Variants in SYT1 observed in about 807,000 individuals in gnomAD.
SYT1 encodes synaptotagmin 1.
A neutral mutation model predicts 44.8 loss-of-function variants in SYT1; 8 were observed. The ratio of observed to expected loss-of-function variants is 0.18; its 90% CI spans 0.10 to 0.32. SYT1 has a LOEUF of 0.32. Among genes scored for constraint, SYT1 ranks in the 10% least tolerant of loss-of-function variants. SYT1 has a pLI of 1.00. For synonymous variants in SYT1, 154 were observed against 188.8 expected (o/e 0.82, Z 1.51); for missense variants, 286 against 509.3 (o/e 0.56, Z 4.22).
intron 8 of SYT1, among the ~76,000 whole-genome samples, chr12:79,314,423 C>A (rs531068606): frequency 6.6e-6 from 1 of 152,118 alleles, no homozygotes; most frequent in African/African-American, 2.4e-5. Flanking sequence ...AAAGACGAAC[C>A]CAGTTTAAGG....
intron 3 of SYT1, among the ~76,000 whole-genome samples, chr12:79,152,427 C>A (rs919609362): frequency 1.3e-5 from 2 of 152,164 alleles, no homozygotes; most frequent in South Asian, 4.1e-4. Context: ...AATCGTTTTG[C>A]ACTTTGTATA....
intron 1 of SYT1, among the ~76,000 whole-genome samples, chr12:78,963,691 T>G (rs1213962083): frequency 1.3e-5 from 2 of 152,032 alleles, no homozygotes; most frequent in Non-Finnish European, 2.9e-5. Flanking sequence ...GGCAAGGTTG[T>G]GGAGAAATTG....
rs75222516 is a variant in SYT1 at position 79,294,668 on chromosome 12, G to A, written c.475-1401G>A. Reference sequence around the variant, plus strand: ...ATTTTTTCTGCTCAAAAGAAAATTGGTTATAAAAAGTGAGGATGAGGAAGT... The same window carrying A: ...ATTTTTTCTGCTCAAAAGAAAATTGATTATAAAAAGTGAGGATGAGGAAGT... On this transcript the variant is annotated intron_variant, in intron 6 of 10. Coordinates refer to ENST00000261205, the MANE Select transcript of SYT1 (RefSeq NM_005639.3). Among the ~76,000 whole-genome samples, 1,272 of 152,148 alleles carry A rather than the reference G, an allele frequency of 8.4e-3. 13 individuals are homozygous for A. The highest frequency in any genetic ancestry group is 0.044 in the Middle Eastern group (13 of 294).
At chr12:79,033,757 A>G (rs1872961499) in intron 2 of SYT1, among the ~76,000 whole-genome samples, 1 of 151,506 alleles carries the variant, frequency 6.6e-6, no homozygotes, top group Non-Finnish European at 1.5e-5. Flanking sequence ...TTTAGAATTA[A>G]AGAAATGCTG....
chr12:79,030,989 A>G (rs1055252826), intron 2 of SYT1, among the ~76,000 whole-genome samples: 3 of 151,102 alleles, frequency 2.0e-5, no homozygotes, highest in Non-Finnish European at 4.5e-5. Flanking sequence ...CACTCCCAAC[A>G]ACCACTATCT....
intron 9 of SYT1, among the ~76,000 whole-genome samples, chr12:79,411,983 G>C (rs1394509119): frequency 6.6e-6 from 1 of 152,128 alleles, no homozygotes; most frequent in East Asian, 1.9e-4. Flanking sequence ...TGGCGAGTCT[G>C]TACAGGTCTG....
chr12:79,011,516 T>C (rs1480936171), intron 2 of SYT1, among the ~76,000 whole-genome samples: 1 of 151,972 alleles, frequency 6.6e-6, no homozygotes, highest in Non-Finnish European at 1.5e-5. Context: ...TGAAAAAAAC[T>C]GTCCCTGACC....
chr12:78,924,254 C>T (rs999176014), intron 1 of SYT1, among the ~76,000 whole-genome samples: 1 of 151,864 alleles, frequency 6.6e-6, no homozygotes, highest in African/African-American at 2.4e-5. Flanking sequence ...AAGGTGCTGT[C>T]TATCAGAATG....
At chr12:79,310,009 T>C (rs533994581) in intron 8 of SYT1, among the ~76,000 whole-genome samples, 108 of 152,328 alleles carry the variant, frequency 7.1e-4, no homozygotes, top group African/African-American at 2.6e-3. Flanking sequence ...GTGCAGAAGC[T>C]CTTCAGTTTA....
At chr12:79,419,412 C>T (rs556870317) in intron 9 of SYT1, 25 of 400,700 alleles carry the variant, frequency 6.2e-5, no homozygotes, top group East Asian at 3.8e-4. Flanking sequence ...TCACAGTATC[C>T]GGCAGCAGGT....
At chr12:79,080,977 T>C (rs1005285744) in intron 3 of SYT1, among the ~76,000 whole-genome samples, 1 of 152,128 alleles carries the variant, frequency 6.6e-6, no homozygotes, top group Non-Finnish European at 1.5e-5. Flanking sequence ...CTATTGTGAC[T>C]AGATGGGGGA....
At chr12:78,873,661 ATC>A (rs1344235457) in intron 1 of SYT1, among the ~76,000 whole-genome samples, 1 of 151,640 alleles carries the variant, frequency 6.6e-6, no homozygotes, top group Non-Finnish European at 1.5e-5. Flanking sequence ...CTCCAAACTT[ATC>A]TCTTATTATT....
intron 1 of SYT1, among the ~76,000 whole-genome samples, chr12:78,928,788 A>G (rs1468718005): frequency 6.6e-6 from 1 of 152,190 alleles, no homozygotes; most frequent in Non-Finnish European, 1.5e-5. Context: ...ATGATGTGCA[A>G]CTGAAAACTT....
chr12:79,333,710 G>C (rs1012921770), intron 8 of SYT1, among the ~76,000 whole-genome samples: 4 of 151,966 alleles, frequency 2.6e-5, no homozygotes, highest in Non-Finnish European at 5.9e-5. Context: ...AAAAATATTG[G>C]CATCTTTCAT....
chr12:79,247,001 A>T (rs567883871), intron 4 of SYT1, among the ~76,000 whole-genome samples: 2 of 152,332 alleles, frequency 1.3e-5, no homozygotes, highest in African/African-American at 4.8e-5. Context: ...AGAAGTAAAG[A>T]TGTACAGTTG....
rs1041510108 is a variant in SYT1, at chr12:78,987,791, C to T, written c.-84+9860C>T. On this transcript the variant is annotated intron_variant, in intron 2 of 10. Transcript: ENST00000261205. ...ATTACTAGTTCCCTACAATCTCTTC[C>T]GGAAGATAGAAGCAGAGGGAATACA... 4.6e-5 allele frequency among the ~76,000 whole-genome samples: 7 copies of T among 151,988 alleles called. No homozygotes were observed. In the South Asian group the frequency reaches 6.2e-4, roughly 13 times the overall value.
chr12:79,169,581 C>T (rs761289909), intron 3 of SYT1, among the ~76,000 whole-genome samples: 1 of 151,920 alleles, frequency 6.6e-6, no homozygotes, highest in African/African-American at 2.4e-5. Context: ...AATTCACCTG[C>T]AAAAGTTACA....
intron 9 of SYT1, among the ~76,000 whole-genome samples, chr12:79,423,594 CTT>C (rs1869251025): frequency 1.3e-5 from 2 of 152,096 alleles, no homozygotes; most frequent in South Asian, 4.1e-4. Flanking sequence ...GCCTCTTACT[CTT>C]GGCTAAAAAA....
intron 4 of SYT1, among the ~76,000 whole-genome samples, chr12:79,270,818 A>T (rs973693351): frequency 6.6e-6 from 1 of 152,184 alleles, no homozygotes; most frequent in Admixed American, 6.5e-5. Flanking sequence ...TGTCCGCTCT[A>T]CTTCTACTTG....
Sources: gnomAD v4.1 joint callset for allele counts (sites outside exome capture counted in the v4.1 genomes callset) on GRCh38, gnomAD v4.1.1 for gene constraint, MANE v1.5 for transcripts, NCBI Gene and HGNC (gene_info 2026-07-23, HGNC 2026-07-21) for gene names.